Variants in TMEM244 observed in about 807,000 individuals in gnomAD.
TMEM244 encodes the protein putative transmembrane protein 244.
A neutral mutation model predicts 15.8 loss-of-function variants in TMEM244; 13 were observed. That is an observed-to-expected ratio of 0.82 (90% CI 0.53 to 1.30). TMEM244 has a LOEUF of 1.30. Ranked by LOEUF, TMEM244 falls within the 50% of genes most tolerant of loss-of-function variation. TMEM244 has a pLI of 0.00. For synonymous variants in TMEM244, 45 were observed against 48.7 expected (o/e 0.92, Z 0.32); for missense variants, 161 against 144.9 (o/e 1.11, Z -0.57).
intron 1 of TMEM244, among the ~76,000 whole-genome samples, chr6:129,855,404 C>T (rs1274585809): frequency 1.3e-5 from 2 of 152,096 alleles, no homozygotes; most frequent in Admixed American, 1.3e-4. Flanking sequence ...TTCTCAATGA[C>T]AGAAAGTGAA....
intron 1 of TMEM244, 52 bp downstream of exon 1, chr6:129,861,104 C>A: frequency 6.3e-7 from 1 of 1,594,182 alleles, no homozygotes; most frequent in Non-Finnish European, 8.6e-7. Flanking sequence ...TTCATTTACA[C>A]CAGTGCTAGG....
chr6:129,834,466 G>A (rs1298688939), intron 3 of TMEM244, among the ~76,000 whole-genome samples: 1 of 90,778 alleles, frequency 1.1e-5, no homozygotes, highest in Non-Finnish European at 2.6e-5. Flanking sequence ...TATAATTCAG[G>A]AATAAATAAA....
intron 1 of TMEM244, among the ~76,000 whole-genome samples, chr6:129,858,799 C>CT (rs5879980): frequency 0.24 from 35,002 of 146,670 alleles, 4,170 homozygotes; most frequent in African/African-American, 0.28. Flanking sequence ...GAACCATAGT[C>CT]TTTTTTTTTT....
chr6:129,850,445 A>G (rs1277448293), intron 1 of TMEM244, among the ~76,000 whole-genome samples: 1 of 152,224 alleles, frequency 6.6e-6, no homozygotes, highest in African/African-American at 2.4e-5. Flanking sequence ...TTAAGAAAAC[A>G]GAATGGATAA....
At chr6:129,837,115 A>G (rs868408115) in intron 3 of TMEM244, among the ~76,000 whole-genome samples, 3 of 152,346 alleles carry the variant, frequency 2.0e-5, no homozygotes, top group Middle Eastern at 3.4e-3. Context: ...TCGAAGACAT[A>G]TAATTGTCAG....
At chr6:129,849,832 A>T (rs1043241580) in intron 1 of TMEM244, among the ~76,000 whole-genome samples, 2 of 152,114 alleles carry the variant, frequency 1.3e-5, no homozygotes, top group African/African-American at 4.8e-5. Context: ...AGTGCTATGT[A>T]AGCCCAAGCG....
At chr6:129,844,251 A>C (rs773791472) in intron 2 of TMEM244, among the ~76,000 whole-genome samples, 7 of 152,232 alleles carry the variant, frequency 4.6e-5, no homozygotes, top group Non-Finnish European at 8.8e-5. Context: ...ATCTTTGTCC[A>C]ATTAAGTTCC....
At chr6:129,848,308 C>G (rs1051062689) in intron 1 of TMEM244, among the ~76,000 whole-genome samples, 1 of 152,200 alleles carries the variant, frequency 6.6e-6, no homozygotes, top group Non-Finnish European at 1.5e-5. Context: ...CTTCCAGAAG[C>G]CGCAAACAGA....
intron 2 of TMEM244, among the ~76,000 whole-genome samples, 160 bp from the exon 3 acceptor site, chr6:129,843,763 A>C (rs990059325): frequency 4.6e-5 from 7 of 152,236 alleles, no homozygotes; most frequent in African/African-American, 1.7e-4. Flanking sequence ...GGAATCAGCA[A>C]TGAAGATAAT....
chr6:129,855,147 G>A (rs781658626), intron 1 of TMEM244, among the ~76,000 whole-genome samples: 1 of 152,172 alleles, frequency 6.6e-6, no homozygotes, highest in Non-Finnish European at 1.5e-5. Flanking sequence ...GGGTTCCTGA[G>A]CAAAATGGGC....
chr6:129,857,619 C>T (rs937594830), intron 1 of TMEM244, among the ~76,000 whole-genome samples: 2 of 152,040 alleles, frequency 1.3e-5, no homozygotes, highest in Non-Finnish European at 2.9e-5. Context: ...CTTGGCCTCC[C>T]AAAGTGTTGG....
chr6:129,856,108 C>CT, intron 1 of TMEM244, among the ~76,000 whole-genome samples: 1 of 151,850 alleles, frequency 6.6e-6, no homozygotes, highest in Admixed American at 6.6e-5. Context: ...AACCTATGGT[C>CT]TTTTTTATTT....
At chr6:129,861,016 G>T in intron 1 of TMEM244, 140 bp downstream of exon 1, 1 of 827,098 alleles carries the variant, frequency 1.2e-6, no homozygotes, top group Non-Finnish European at 2.0e-6. Context: ...AAGCCGTGCA[G>T]CAGAATGTTT....
chr6:129,848,659 A>G (rs1776595016), intron 1 of TMEM244, among the ~76,000 whole-genome samples: 1 of 152,198 alleles, frequency 6.6e-6, no homozygotes, highest in Non-Finnish European at 1.5e-5. Flanking sequence ...AACTGGTTCA[A>G]ATCTTCCCCA....
At chr6:129,851,155 G>A (rs894324858) in intron 1 of TMEM244, among the ~76,000 whole-genome samples, 1 of 152,182 alleles carries the variant, frequency 6.6e-6, no homozygotes, top group Non-Finnish European at 1.5e-5. Context: ...CCCAGCTCAT[G>A]TGGCCTATAT....
intron 1 of TMEM244, among the ~76,000 whole-genome samples, chr6:129,850,893 G>C (rs1776629469): frequency 6.6e-6 from 1 of 152,168 alleles, no homozygotes; most frequent in Non-Finnish European, 1.5e-5. Flanking sequence ...CGGTGGACAA[G>C]ACAGTTCTCA....
At chr6:129,843,503 A>T (rs747174199) in intron 3 of TMEM244, 27 bp downstream of exon 3, 1 of 1,536,396 alleles carries the variant, frequency 6.5e-7, no homozygotes, top group Admixed American at 1.7e-5. Flanking sequence ...TCACTAATTG[A>T]TAAGAATTTA....
chr6:129,854,036 G>A (rs376692833), intron 1 of TMEM244, among the ~76,000 whole-genome samples: 6 of 152,296 alleles, frequency 3.9e-5, no homozygotes, highest in East Asian at 3.9e-4. Flanking sequence ...CTAGTGGGAT[G>A]TCTTCTAGAT....
chr6:129,857,703 C>T (rs1346415051), intron 1 of TMEM244, among the ~76,000 whole-genome samples: 1 of 151,856 alleles, frequency 6.6e-6, no homozygotes, highest in Non-Finnish European at 1.5e-5. Context: ...GACATTCTTG[C>T]CTTGTTCTTG....
Sources: allele counts gnomAD v4.1 joint callset (sites outside exome capture counted in the v4.1 genomes callset), GRCh38; gene constraint gnomAD v4.1.1; transcripts MANE v1.5; gene names NCBI Gene and HGNC (gene_info 2026-07-23, HGNC 2026-07-21).